Variants in MID1 observed in about 807,000 individuals in gnomAD.
The protein encoded by MID1 is midline 1.
MID1 carries 7 observed loss-of-function variants against 40.4 expected under a neutral mutation model. The ratio of observed to expected loss-of-function variants is 0.17; its 90% CI spans 0.10 to 0.33. The LOEUF is 0.33. Ranked by LOEUF, MID1 falls within the 10% of genes least tolerant of loss-of-function variation. MID1 has a pLI of 1.00. For synonymous variants in MID1, 229 were observed against 221.2 expected (o/e 1.04, Z -0.31); for missense variants, 367 against 558.5 (o/e 0.66, Z 3.46).
At chrX:10,628,887 G>T (rs1225734135) in intron 1 of MID1, among the ~76,000 whole-genome samples, 1 of 112,186 alleles carries the variant, frequency 8.9e-6, no homozygotes, top group East Asian at 2.8e-4. Context: ...CATGCAGGAA[G>T]TGTACAGTTG....
At chrX:10,673,666 G>C (rs371335100) in intron 1 of MID1, among the ~76,000 whole-genome samples, 3 of 110,930 alleles carry the variant, frequency 2.7e-5, no homozygotes, top group Non-Finnish European at 5.7e-5. Context: ...ATTGATACGA[G>C]ATCTGGGAAG....
Position 10,469,708 on chromosome X carries a change from G to C in MID1, c.1274C>G (p.Ala425Gly). ...ELQYTIFTGQ[A>G]NVVSLCNSAD... is the part of the protein sequence containing the mutation. ...CATGAGATACTCACTAACGACGTTG[G>C]CTTGTCCGGTGAATATGGTGTACTG... The change falls in exon 7 of 10, where the codon GCC becomes GGC. Residue 425 changes from alanine (A) to glycine (G), a missense_variant. Around this residue, in one of 3 missense-constraint regions of MID1, gnomAD observed 275 missense variants for 383.1 expected, o/e 0.72. Transcript: ENST00000317552. 1 of 1,211,592 alleles carries C rather than the reference G, an allele frequency of 8.3e-7. No homozygotes were observed. The highest frequency in any genetic ancestry group is 1.1e-6 in the Non-Finnish European group (1 of 895,322).
intron 7 of MID1, among the ~76,000 whole-genome samples, chrX:10,462,649 T>C (rs1929116895): frequency 9.0e-6 from 1 of 111,290 alleles, no homozygotes; most frequent in Non-Finnish European, 1.9e-5. Context: ...AGTTTTTTGA[T>C]TTTATACATT....
chrX:10,782,173 A>G (rs184892241), intron 1 of MID1, among the ~76,000 whole-genome samples: 73 of 111,247 alleles, frequency 6.6e-4, no homozygotes, highest in African/African-American at 2.3e-3. Context: ...CACCCTGTCA[A>G]TTGCTCAGGA....
chrX:10,482,729 T>G, intron 4 of MID1, 101 bp from the exon 5 acceptor site: 1 of 920,486 alleles, frequency 1.1e-6, no homozygotes, highest in Non-Finnish European at 1.6e-6. Flanking sequence ...TATCCTTCCA[T>G]AAAAGTTCAA....
rs138149009 is a variant in MID1, at chrX:10,760,886, G to T, written c.-187+72668C>A. Among the ~76,000 whole-genome samples, 608 of 111,671 alleles carry T rather than the reference G, an allele frequency of 5.4e-3. 2 individuals carry two copies. The highest frequency in any genetic ancestry group is 7.8e-3 in the Non-Finnish European group (413 of 53,151). On this transcript the variant is annotated intron_variant, in intron 1 of 10. Coordinates refer to the MID1 transcript ENST00000380785. ...GGAAAAACCCCATCATTGCCATAGT[G>T]TCTGTTAATCACTGTGACAAGTCCG...
intron 1 of MID1, among the ~76,000 whole-genome samples, chrX:10,656,099 TAAAGTA>T (rs1325409499): frequency 4.4e-5 from 5 of 112,526 alleles, no homozygotes; most frequent in African/African-American, 1.3e-4. Context: ...TATTTTTTCT[TAAAGTA>T]AAACAATTTT....
rs373807203 is a variant in MID1, at chrX:10,741,536, C to CT, written c.-187+92017dup. Among the ~76,000 whole-genome samples, 1,008 of 104,194 alleles carry CT rather than the reference C, an allele frequency of 9.7e-3. 13 individuals are homozygous for CT. The highest frequency in any genetic ancestry group is 0.033 in the African/African-American group (941 of 28,616). 90.5% of individuals were successfully genotyped at this position (104,194 alleles called of 115,157 possible). ...GAAGATTTCAGTCCTTGAAAACAAT[C>CT]TTTTTTTTTTCCACTTATTAAGAAC... On this transcript the variant is annotated intron_variant, in intron 1 of 10. Transcript: ENST00000380785.
intron 1 of MID1, among the ~76,000 whole-genome samples, chrX:10,811,412 G>GT (rs2044100705): frequency 8.9e-6 from 1 of 112,201 alleles, no homozygotes; most frequent in Non-Finnish European, 1.9e-5. Context: ...TTTAATTCCT[G>GT]TTTTACGGAT....
chrX:10,486,377 A>T (rs774275964), intron 4 of MID1, among the ~76,000 whole-genome samples: 8 of 111,938 alleles, frequency 7.1e-5, no homozygotes, highest in Non-Finnish European at 1.5e-4. Flanking sequence ...AGGCCCCACC[A>T]TCCGTTCTTT....
At chrX:10,579,374 C>T in intron 1 of MID1, among the ~76,000 whole-genome samples, 1 of 111,669 alleles carries the variant, frequency 9.0e-6, no homozygotes, top group African/African-American at 3.3e-5. Flanking sequence ...AGTACACACC[C>T]TCCCCTTCCC....
intron 1 of MID1, among the ~76,000 whole-genome samples, chrX:10,638,365 G>T (rs192098813): frequency 8.9e-6 from 1 of 112,196 alleles, no homozygotes; most frequent in African/African-American, 3.2e-5. Context: ...TATATCCTGC[G>T]CATGGCTCGG....
At chrX:10,464,821 TAC>T (rs1486389976) in intron 7 of MID1, among the ~76,000 whole-genome samples, 1 of 111,711 alleles carries the variant, frequency 9.0e-6, no homozygotes, top group Non-Finnish European at 1.9e-5. Context: ...AGCCAACGGA[TAC>T]AGAGCCCATC....
At chrX:10,824,657 T>C (rs1474010186) in intron 1 of MID1, among the ~76,000 whole-genome samples, 2 of 112,540 alleles carry the variant, frequency 1.8e-5, no homozygotes, top group Admixed American at 9.4e-5. Flanking sequence ...AAATGGACTT[T>C]TAAAAAATTG....
At chrX:10,697,945 C>T (rs1280977521) in intron 1 of MID1, among the ~76,000 whole-genome samples, 2 of 112,356 alleles carry the variant, frequency 1.8e-5, no homozygotes, top group Non-Finnish European at 3.8e-5. Context: ...AAGAATCACC[C>T]CCACTCTCAC....
chrX:10,802,693 G>T (rs1027335408), intron 1 of MID1, among the ~76,000 whole-genome samples: 1 of 111,490 alleles, frequency 9.0e-6, no homozygotes, highest in African/African-American at 3.3e-5. Context: ...CCCAGGGAAA[G>T]GAAACCATCC....
intron 4 of MID1, among the ~76,000 whole-genome samples, chrX:10,495,346 C>T (rs1931189207): frequency 9.0e-6 from 1 of 111,288 alleles, no homozygotes. Context: ...TACCTCCTGG[C>T]GCTGGGCAAT....
chrX:10,532,732 C>T (rs750773141), intron 2 of MID1, among the ~76,000 whole-genome samples: 4 of 109,589 alleles, frequency 3.6e-5, no homozygotes, highest in Admixed American at 1.9e-4. Flanking sequence ...TCAAACCTTG[C>T]GTGCCGCCTG....
rs148676992 is a variant in MID1 at position 10,553,033 on chromosome X, A to C, written c.660+13855T>G. ...GAGGCCTAGGCGGGCAGATCACCTG[A>C]TGTCAGGAGTTCGAGATCAGCCTGG... On this transcript the variant is annotated intron_variant, in intron 2 of 9. Transcript: ENST00000317552. 9.8e-3 allele frequency among the ~76,000 whole-genome samples: 1,093 copies of C among 111,046 alleles called. 19 individuals carry two copies. The highest frequency in any genetic ancestry group is 0.034 in the African/African-American group (1,033 of 30,581).
Sources: gnomAD v4.1 joint callset for allele counts (sites outside exome capture counted in the v4.1 genomes callset) on GRCh38, gnomAD v4.1.1 for gene constraint, gnomAD v4.1.1 regional missense constraint, MANE v1.5 for transcripts, NCBI Gene and HGNC (gene_info 2026-07-23, HGNC 2026-07-21) for gene names.